COPB1: variants seen among roughly 807,000 people sequenced by gnomAD.
COPB1 encodes coatomer subunit beta.
A neutral mutation model predicts 108.7 loss-of-function variants in COPB1; 21 were observed. The observed-to-expected ratio is 0.19, with a 90% confidence interval of 0.14 to 0.28. The LOEUF is 0.28. Ranked by LOEUF, COPB1 falls within the 10% of genes least tolerant of loss-of-function variation. The pLI is 1.00. For synonymous variants in COPB1, 378 were observed against 386.8 expected, an observed-to-expected ratio of 0.98 and a Z score of 0.27; for missense variants, 919 against 1,141.3, an observed-to-expected ratio of 0.81 and a Z score of 2.81.
chr11:14,468,227 T>TAA, intron 16 of COPB1, among the ~76,000 whole-genome samples: 1 of 152,332 alleles, frequency 6.6e-6, no homozygotes, highest in South Asian at 2.1e-4. Context: ...CACTGATTCT[T>TAA]AAATTTATAT....
At position 14,469,386 on chromosome 11, in the gene COPB1, G is replaced by A; in HGVS notation, c.1915C>T (p.Leu639Phe). The A allele has an allele frequency of 1.9e-6, 3 of 1,614,184 alleles. No homozygotes were observed. The highest frequency in any genetic ancestry group is 2.5e-6 in the Non-Finnish European group (3 of 1,180,016). Residue 639 changes from leucine (L) to phenylalanine (F), a missense_variant, in exon 15 of 22, where the codon CTT becomes TTT. Leu to Phe is a conservative substitution (Grantham distance 22). Coordinates refer to ENST00000439561, the MANE Select transcript of COPB1 (RefSeq NM_001144061.2). The part of the protein sequence containing the change: ...DIFNKECRQS[L>F]SHMLSAKLEE... ...AGTTTAGCAGATAACATGTGAGAAAGGGACTGTCTGCATTCCTTATTGAAA... is the reference window on the plus strand; with the variant it reads ...AGTTTAGCAGATAACATGTGAGAAAAGGACTGTCTGCATTCCTTATTGAAA...
intron 8 of COPB1, among the ~76,000 whole-genome samples, chr11:14,482,485 T>C (rs1014709914): frequency 5.3e-5 from 8 of 152,160 alleles, no homozygotes; most frequent in African/African-American, 1.7e-4. Context: ...GAATAGTCAA[T>C]ACAGTACAAA....
Position 14,469,317 on chromosome 11 carries a change from C to G in COPB1, c.1965+19G>C, listed in dbSNP as rs1850354707. The G allele has an allele frequency of 6.3e-6, 10 of 1,595,736 alleles. No individual in the cohort carries two copies. The highest frequency in any genetic ancestry group is 8.6e-6 in the Non-Finnish European group (10 of 1,164,030). On this transcript the variant is annotated intron_variant, in intron 15 of 21. Coordinates refer to ENST00000439561, the MANE Select transcript of COPB1 (RefSeq NM_001144061.2). ...AAGAGACACAAAACACTTTTGTTGC[C>G]TCATCATATATACCTTACCTTTTGG...
chr11:14,472,438 T>C (rs1372482272), intron 14 of COPB1, among the ~76,000 whole-genome samples: 1 of 151,730 alleles, frequency 6.6e-6, no homozygotes, highest in African/African-American at 2.4e-5. Flanking sequence ...ACAGAGTTGA[T>C]TAAGCACAAT....
intron 5 of COPB1, among the ~76,000 whole-genome samples, chr11:14,490,331 C>T (rs1850868590): frequency 6.6e-6 from 1 of 152,094 alleles, no homozygotes; most frequent in African/African-American, 2.4e-5. Context: ...TGTAGGGTGG[C>T]TGCTCTAAAA....
rs768374605 is a variant in COPB1 at position 14,465,030 on chromosome 11, C to T, written c.2291G>A (p.Gly764Glu). 6.3e-7 allele frequency: 1 copy of T among 1,596,824 alleles called. No homozygotes were observed. Among genetic ancestry groups the T allele is most frequent in the South Asian group, 1.1e-5 (1 of 90,658 alleles). Reference protein sequence around the residue: ...QNCTLELATLGDLKLVEKPSP... With the variant: ...QNCTLELATLEDLKLVEKPSP... ...CGGCTTTTCCACAAGTTTCAGATCC[C>T]CTGAAAGAAAGAGTTTGGATATGGT... The change falls in exon 18 of 22, where the codon GGG (glycine) becomes GAG (glutamate). Residue 764 changes from glycine (G) to glutamate (E), a missense_variant and splice_region_variant. Gly to Glu is a moderately conservative substitution (Grantham distance 98, BLOSUM62 -2). Around this residue, in one of 5 missense-constraint regions of COPB1, gnomAD observed 705 missense variants for 817.8 expected, o/e 0.86. Coordinates refer to ENST00000439561, the MANE Select transcript of COPB1 (RefSeq NM_001144061.2).
At chr11:14,468,944 T>C (rs1375642476) in intron 15 of COPB1, 84 bp from the exon 16 acceptor site, 1 of 1,116,560 alleles carries the variant, frequency 9.0e-7, no homozygotes, top group Non-Finnish European at 1.3e-6. Flanking sequence ...CCCTCACATA[T>C]GAAAACTGAA....
rs191358047 is a variant in COPB1 at position 14,472,235 on chromosome 11, A to G, written c.1737+2260T>C. Among the ~76,000 whole-genome samples the G allele has an allele frequency of 5.1e-4, 77 of 152,328 alleles. 1 individual carries two copies. The highest frequency in any genetic ancestry group is 9.4e-4 in the Non-Finnish European group (64 of 68,024). On this transcript the variant is annotated intron_variant, in intron 14 of 21. Transcript: ENST00000439561. ...ATGTTGTCTTAGCAGGCATGAAAAC[A>G]TTCATTTCTTTCTACATCTCCATCA...
intron 14 of COPB1, among the ~76,000 whole-genome samples, chr11:14,470,947 C>A (rs1030402171): frequency 3.4e-4 from 31 of 91,328 alleles, no homozygotes; most frequent in African/African-American, 2.5e-3. Context: ...CACACACACT[C>A]TCTCTCTCTC....
At position 14,488,497 on chromosome 11, in the gene COPB1, A is replaced by T. The variant is rs776519243; in HGVS notation, c.694T>A (p.Tyr232Asn). 6.3e-7 allele frequency: 1 copy of T among 1,599,192 alleles called. No homozygotes were observed. Among genetic ancestry groups the T allele is most frequent in the Admixed American group, 1.7e-5 (1 of 59,800 alleles). Residue 232 changes from tyrosine to asparagine, a missense_variant, in exon 6 of 22, where the codon TAT becomes AAT. This residue lies in a region of COPB1 where 22 missense variants were observed against 61.0 expected (regional missense o/e 0.36). Transcript: ENST00000439561. Reference sequence around the variant, plus strand: ...TCATAGATTATCATTCTTACCTTATAAATCAGTTCAACAATAACCAGCTGC... The same window carrying T: ...TCATAGATTATCATTCTTACCTTATTAATCAGTTCAACAATAACCAGCTGC... The part of the protein sequence containing the change: ...ILQLVIVELI[Y>N]KVCHANPSER...
intron 14 of COPB1, 122 bp downstream of exon 14, chr11:14,474,373 T>C (rs1041514198): frequency 2.4e-6 from 2 of 822,900 alleles, no homozygotes; most frequent in African/African-American, 3.4e-5. Context: ...ACTTCTGCTA[T>C]TAAATCATAA....
chr11:14,465,548 A>C (rs1158735977), intron 17 of COPB1, among the ~76,000 whole-genome samples: 2 of 152,166 alleles, frequency 1.3e-5, no homozygotes, highest in Non-Finnish European at 2.9e-5. Flanking sequence ...TCAATGAATG[A>C]ATGCAAACTT....
At chr11:14,482,459 A>T (rs536600375) in intron 8 of COPB1, among the ~76,000 whole-genome samples, 2 of 152,376 alleles carry the variant, frequency 1.3e-5, no homozygotes, top group South Asian at 4.1e-4. Flanking sequence ...TAAAATGAGT[A>T]TGTCACTGTC....
intron 16 of COPB1, among the ~76,000 whole-genome samples, chr11:14,467,148 G>A (rs1280831381): frequency 6.6e-6 from 1 of 151,748 alleles, no homozygotes; most frequent in African/African-American, 2.4e-5. Flanking sequence ...TATCTGATAA[G>A]GGGGTTAGTA....
At chr11:14,479,391 T>C (rs1488594532) in intron 11 of COPB1, among the ~76,000 whole-genome samples, 178 bp downstream of exon 11, 1 of 152,186 alleles carries the variant, frequency 6.6e-6, no homozygotes, top group Non-Finnish European at 1.5e-5. Flanking sequence ...AAAAAATTAT[T>C]TTGGGCCATT....
chr11:14,483,164 A>G lies in COPB1; in HGVS notation c.838-13T>C. 4 of 1,525,814 alleles carry G rather than the reference A, an allele frequency of 2.6e-6. No individual in the cohort carries two copies. The highest frequency in any genetic ancestry group is 3.5e-6 in the Non-Finnish European group (4 of 1,127,870). 94.5% of individuals were successfully genotyped at this position (1,525,814 alleles called of 1,614,324 possible). On this transcript the variant is annotated splice_polypyrimidine_tract_variant and intron_variant, in intron 7 of 21. Transcript: ENST00000439561. ...ACTGAGCAGCAGCCTATATAAAAAA[A>G]GAAATACATTTTAAGAAGTTATTCA...
In COPB1 at chr11:14,474,477, T is replaced by A. The variant is rs368271760; in HGVS notation, c.1737+18A>T. 80 of 1,609,992 alleles carry A rather than the reference T, an allele frequency of 5.0e-5. No individual in the cohort carries two copies. The highest frequency in any genetic ancestry group is 6.7e-5 in the Non-Finnish European group (79 of 1,177,458). On this transcript the variant is annotated intron_variant, in intron 14 of 21. Coordinates refer to ENST00000439561, the MANE Select transcript of COPB1 (RefSeq NM_001144061.2). ...TCAATGTTTAATTGTTGGTTAAATG[T>A]AAAATAAATGAACTTACATTTTGCT...
At chr11:14,495,431 T>C (rs1477932287) in intron 2 of COPB1, among the ~76,000 whole-genome samples, 5 of 152,242 alleles carry the variant, frequency 3.3e-5, no homozygotes, top group Non-Finnish European at 7.3e-5. Context: ...GAAATACATT[T>C]CTAATGATTA....
chr11:14,496,792 T>A (rs1035427511), intron 2 of COPB1, among the ~76,000 whole-genome samples: 3 of 151,794 alleles, frequency 2.0e-5, no homozygotes, highest in Non-Finnish European at 2.9e-5. Flanking sequence ...TTACTTGACA[T>A]CAAATTATCC....
Sources: allele counts gnomAD v4.1 joint callset (sites outside exome capture counted in the v4.1 genomes callset), GRCh38; gene constraint gnomAD v4.1.1; regional missense constraint gnomAD v4.1.1; transcripts MANE v1.5; gene names NCBI Gene and HGNC (gene_info 2026-07-23, HGNC 2026-07-21).